MBD5: variants seen among roughly 807,000 people sequenced by gnomAD.
MBD5 encodes the protein methyl-CpG binding domain protein 5.
A neutral mutation model predicts 117.3 loss-of-function variants in MBD5; 13 were observed. The ratio of observed to expected loss-of-function variants is 0.11; its 90% CI spans 0.07 to 0.18. MBD5 has a LOEUF of 0.18. MBD5 is among the 10% of genes least tolerant of loss of function. MBD5 has a pLI of 1.00. For synonymous variants in MBD5, 727 were observed against 766.4 expected (o/e 0.95, Z 0.85); for missense variants, 1,879 against 2,093.8 (o/e 0.90, Z 2.00).
At chr2:148,436,613 C>T (rs1157797375) in intron 4 of MBD5, among the ~76,000 whole-genome samples, 2 of 152,084 alleles carry the variant, frequency 1.3e-5, no homozygotes, top group Admixed American at 1.3e-4. Context: ...CTCAGGTGAT[C>T]TGCCTGCCTC....
intron 3 of MBD5, among the ~76,000 whole-genome samples, chr2:148,254,852 C>T (rs755466508): frequency 7.9e-5 from 12 of 152,132 alleles, no homozygotes; most frequent in East Asian, 1.9e-4. Flanking sequence ...TGTTCCCCCA[C>T]GAGCCAGCCC....
At chr2:148,077,622 C>T (rs919845983) in intron 1 of MBD5, among the ~76,000 whole-genome samples, 2 of 152,094 alleles carry the variant, frequency 1.3e-5, no homozygotes, top group Admixed American at 6.5e-5. Flanking sequence ...GTGTCCTGCT[C>T]CATATGAAGC....
intron 2 of MBD5, among the ~76,000 whole-genome samples, chr2:148,202,310 G>A (rs548001113): frequency 4.5e-4 from 68 of 152,308 alleles, no homozygotes; most frequent in African/African-American, 1.5e-3. Flanking sequence ...TGATAAAGTG[G>A]TCAGGGAGGC....
At chr2:148,110,643 G>GT (rs907037007) in intron 1 of MBD5, among the ~76,000 whole-genome samples, 51 of 150,258 alleles carry the variant, frequency 3.4e-4, no homozygotes, top group East Asian at 7.8e-4. Flanking sequence ...GTTCCTGTTT[G>GT]TTTTTTTTTA....
chr2:148,394,643 T>C (rs1211074081), intron 4 of MBD5, among the ~76,000 whole-genome samples: 1 of 151,830 alleles, frequency 6.6e-6, no homozygotes, highest in Non-Finnish European at 1.5e-5. Context: ...GCTTATGTTA[T>C]TAATATTTTC....
intron 11 of MBD5, among the ~76,000 whole-genome samples, chr2:148,492,446 G>T (rs948918492): frequency 1.3e-5 from 2 of 151,816 alleles, no homozygotes; most frequent in Non-Finnish European, 2.9e-5. Context: ...GTAATTCAGA[G>T]AATTTAATTT....
At chr2:148,293,147 CA>C (rs35179123) in intron 3 of MBD5, among the ~76,000 whole-genome samples, 3,861 of 84,920 alleles carry the variant, frequency 0.045, 156 homozygotes, top group East Asian at 0.14. Context: ...AACCTTGCCT[CA>C]AAAAAAAAAA....
intron 1 of MBD5, among the ~76,000 whole-genome samples, chr2:148,155,073 A>T (rs2084578): frequency 6.6e-6 from 1 of 152,004 alleles, no homozygotes; most frequent in Non-Finnish European, 1.5e-5. Flanking sequence ...AGTGAAAGAG[A>T]CAAAGCAAAT....
Position 148,444,602 on chromosome 2 carries a change from G to C in MBD5, c.-556-13601G>C, listed in dbSNP as rs927726296. Among the ~76,000 whole-genome samples the C allele has an allele frequency of 4.0e-5, 6 of 151,172 alleles. 1 individual carries two copies. Among genetic ancestry groups the C allele is most frequent in the African/African-American group, 1.2e-4 (5 of 40,578 alleles). ...TTCAATATTAATCTTTCAGAAATGA[G>C]ATCATTTGCAAAGATTAGGCGAAGT... On this transcript the variant is annotated intron_variant, in intron 4 of 13. Transcript: ENST00000642680.
intron 4 of MBD5, among the ~76,000 whole-genome samples, chr2:148,410,676 C>T (rs996836766): frequency 6.6e-6 from 1 of 152,158 alleles, no homozygotes; most frequent in Non-Finnish European, 1.5e-5. Context: ...AAGTGATTCA[C>T]CTGCCTCGTC....
chr2:148,375,953 C>T (rs1265681516), intron 4 of MBD5, among the ~76,000 whole-genome samples: 1 of 151,574 alleles, frequency 6.6e-6, no homozygotes, highest in African/African-American at 2.4e-5. Context: ...ATTTTTTATC[C>T]TTAGCACTAT....
chr2:148,171,479 C>G (rs1256623726), intron 1 of MBD5, among the ~76,000 whole-genome samples: 1 of 152,120 alleles, frequency 6.6e-6, no homozygotes, highest in Non-Finnish European at 1.5e-5. Flanking sequence ...GAACTCAACA[C>G]AATAAAGACT....
chr2:148,468,473 C>A lies in MBD5; in HGVS notation c.530C>A (p.Ala177Asp). The change falls in exon 8 of 14, where the codon GCC becomes GAC. Residue 177 changes from alanine (A) to aspartate (D), a missense_variant. By Grantham distance (126) the Ala-to-Asp change is moderately radical (BLOSUM62 -2). Around this residue, in one of 4 missense-constraint regions of MBD5, gnomAD observed 1,666 missense variants for 1,792.2 expected, o/e 0.93. Coordinates refer to ENST00000642680, the MANE Select transcript of MBD5 (RefSeq NM_001378120.1). ...AAGTTAATGATTGGATCATCAAATGCCATGGGAAGGCTATATGTACAAGAA... is the reference window on the plus strand; with the variant it reads ...AAGTTAATGATTGGATCATCAAATGACATGGGAAGGCTATATGTACAAGAA... ...PFKLMIGSSN[A>D]MGRLYVQELP... 1 of 1,613,808 alleles carries A rather than the reference C, an allele frequency of 6.2e-7. No homozygotes were observed. The highest frequency in any genetic ancestry group is 8.5e-7 in the Non-Finnish European group (1 of 1,179,830).
At chr2:148,199,479 G>A (rs1265693718) in intron 2 of MBD5, among the ~76,000 whole-genome samples, 1 of 152,130 alleles carries the variant, frequency 6.6e-6, no homozygotes, top group African/African-American at 2.4e-5. Flanking sequence ...TGTTGAAAGG[G>A]AAAAGATGGC....
chr2:148,138,064 C>A (rs188967926), intron 1 of MBD5, among the ~76,000 whole-genome samples: 6 of 152,160 alleles, frequency 3.9e-5, no homozygotes, highest in Admixed American at 3.9e-4. Context: ...CAAATTATGT[C>A]TTAGATAAAA....
chr2:148,413,615 G>T (rs779548023), intron 4 of MBD5, among the ~76,000 whole-genome samples: 1 of 151,014 alleles, frequency 6.6e-6, no homozygotes, highest in Non-Finnish European at 1.5e-5. Flanking sequence ...TTTTTTTCTG[G>T]TTGGTAGATT....
intron 4 of MBD5, among the ~76,000 whole-genome samples, chr2:148,410,063 A>G (rs1034764677): frequency 6.6e-6 from 1 of 152,140 alleles, no homozygotes; most frequent in Non-Finnish European, 1.5e-5. Context: ...GGTGAAGAAG[A>G]ACAATTGTTC....
rs1480499496 is a variant in MBD5 at position 148,454,956 on chromosome 2, T to A, written c.-556-3247T>A. Among the ~76,000 whole-genome samples the A allele has an allele frequency of 1.8e-4, 28 of 152,266 alleles. No individual in the cohort carries two copies. The East Asian group carries it at 5.0e-3, about 27-fold the overall frequency. The stretch of plus-strand genomic sequence containing the variant: ...AGATTGCTTAGGGTAGCATTGTCAT[T>A]TTAACAATATCAATTTTTCTAATCT... On this transcript the variant is annotated intron_variant, in intron 4 of 13. Coordinates refer to ENST00000642680, the MANE Select transcript of MBD5 (RefSeq NM_001378120.1).
At chr2:148,154,166 C>G in intron 1 of MBD5, among the ~76,000 whole-genome samples, 1 of 146,458 alleles carries the variant, frequency 6.8e-6, no homozygotes, top group Non-Finnish European at 1.5e-5. Flanking sequence ...CAGACAGGAC[C>G]CTCAGCTGCA....
Sources: allele counts gnomAD v4.1 joint callset (sites outside exome capture counted in the v4.1 genomes callset), GRCh38; gene constraint gnomAD v4.1.1; regional missense constraint gnomAD v4.1.1; transcripts MANE v1.5; gene names NCBI Gene and HGNC (gene_info 2026-07-23, HGNC 2026-07-21).